The following ERBB4 variants were observed in gnomAD, a reference collection of about 807,000 sequenced individuals.
The protein encoded by ERBB4 is erb-b2 receptor tyrosine kinase 4.
ERBB4 carries 42 observed loss-of-function variants against 158.0 expected under a neutral mutation model. That is an observed-to-expected ratio of 0.27 (90% CI 0.21 to 0.34). ERBB4 has a LOEUF of 0.34. Ranked by LOEUF, ERBB4 falls within the 10% of genes least tolerant of loss-of-function variation. ERBB4 has a pLI of 1.00. For synonymous variants in ERBB4, 583 were observed against 558.7 expected (o/e 1.04, Z -0.61); for missense variants, 1,333 against 1,624.1 (o/e 0.82, Z 3.08).
rs2064682826 is a variant in ERBB4 at position 211,466,215 on chromosome 2, T to C, written c.2488-35115A>G. 3.9e-5 allele frequency among the ~76,000 whole-genome samples: 6 copies of C among 152,218 alleles called. No individual in the cohort carries two copies. The South Asian group carries it at 1.2e-3, about 32-fold the overall frequency. ...GTCTTTGTGTCCTCCAGGCCGGCAT[T>C]GTTGTTTAGCGTAATAGCCTTCACT... On this transcript the variant is annotated intron_variant, in intron 20 of 27. Coordinates refer to ENST00000342788, the MANE Select transcript of ERBB4 (RefSeq NM_005235.3).
At chr2:211,526,549 C>T (rs916171071) in intron 20 of ERBB4, among the ~76,000 whole-genome samples, 1 of 152,124 alleles carries the variant, frequency 6.6e-6, no homozygotes, top group South Asian at 2.1e-4. Context: ...AAAATCAATA[C>T]TTAACTCTTC....
At chr2:212,280,425 T>A (rs1048654491) in intron 1 of ERBB4, among the ~76,000 whole-genome samples, 1 of 151,686 alleles carries the variant, frequency 6.6e-6, no homozygotes, top group Admixed American at 6.6e-5. Flanking sequence ...TCTTTAACAC[T>A]TGCTGAAAGG....
At chr2:212,445,487 C>G (rs948817429) in intron 1 of ERBB4, among the ~76,000 whole-genome samples, 5 of 152,140 alleles carry the variant, frequency 3.3e-5, no homozygotes, top group Non-Finnish European at 7.4e-5. Flanking sequence ...GCCACCTAGA[C>G]ACTTTAGGAT....
At chr2:212,521,819 C>T (rs903770044) in intron 1 of ERBB4, among the ~76,000 whole-genome samples, 1 of 151,932 alleles carries the variant, frequency 6.6e-6, no homozygotes, top group African/African-American at 2.4e-5. Context: ...CTCTATTTTA[C>T]TCCTTGCAAA....
intron 2 of ERBB4, among the ~76,000 whole-genome samples, chr2:212,018,882 A>C (rs1209093358): frequency 6.6e-6 from 1 of 152,194 alleles, no homozygotes; most frequent in Non-Finnish European, 1.5e-5. Flanking sequence ...TTTATTTACA[A>C]AGGCATGCAC....
At chr2:211,820,584 A>T (rs2076972553) in intron 3 of ERBB4, among the ~76,000 whole-genome samples, 1 of 151,924 alleles carries the variant, frequency 6.6e-6, no homozygotes, top group Non-Finnish European at 1.5e-5. Flanking sequence ...TCATTTAACT[A>T]GGCCAGTATA....
intron 1 of ERBB4, among the ~76,000 whole-genome samples, chr2:212,192,819 T>C (rs1267201729): frequency 7.8e-6 from 1 of 128,210 alleles, no homozygotes; most frequent in Non-Finnish European, 1.7e-5. Context: ...TCTGAAAAGT[T>C]TGCCCAGTTA....
In ERBB4 at chr2:211,684,333, C is replaced by T. The variant is rs577399208; in HGVS notation, c.1490-5149G>A. Among the ~76,000 whole-genome samples the T allele has an allele frequency of 2.0e-5, 3 of 152,242 alleles. No homozygotes were observed. In the South Asian group the frequency reaches 6.2e-4, roughly 32 times the overall value. ...GGGCATGGTGTTGCATGCCTCTAATCCCAGTTACTCAGAAGGCTGAAGAGG... is the reference window on the plus strand; with the variant it reads ...GGGCATGGTGTTGCATGCCTCTAATTCCAGTTACTCAGAAGGCTGAAGAGG... On this transcript the variant is annotated intron_variant, in intron 12 of 27. Transcript: ENST00000342788.
intron 1 of ERBB4, among the ~76,000 whole-genome samples, chr2:212,416,803 A>G (rs1047028608): frequency 6.6e-6 from 1 of 152,026 alleles, no homozygotes; most frequent in African/African-American, 2.4e-5. Flanking sequence ...TCTTTCACTT[A>G]TTGGCAAGTT....
chr2:212,105,399 C>A (rs550848121), intron 2 of ERBB4, among the ~76,000 whole-genome samples: 2 of 152,256 alleles, frequency 1.3e-5, no homozygotes, highest in East Asian at 3.9e-4. Context: ...AAAGTCTCAG[C>A]TCTGTGTTTC....
chr2:211,529,640 T>C (rs926266529), intron 20 of ERBB4, among the ~76,000 whole-genome samples: 1 of 152,136 alleles, frequency 6.6e-6, no homozygotes, highest in African/African-American at 2.4e-5. Context: ...ATTGGAAAGA[T>C]AATTCATCAT....
chr2:211,732,266 GA>G (rs1219915674), intron 5 of ERBB4, among the ~76,000 whole-genome samples: 2 of 151,724 alleles, frequency 1.3e-5, no homozygotes, highest in East Asian at 3.9e-4. Flanking sequence ...ATTTTTACAG[GA>G]AAATAATTTT....
chr2:211,476,536 T>C (rs969553209), intron 20 of ERBB4, among the ~76,000 whole-genome samples: 1 of 150,486 alleles, frequency 6.6e-6, no homozygotes, highest in African/African-American at 2.5e-5. Flanking sequence ...GAATCTAAGT[T>C]TCTCTTTAAG....
chr2:211,802,298 A>G (rs992529099), intron 3 of ERBB4, among the ~76,000 whole-genome samples: 2 of 152,028 alleles, frequency 1.3e-5, no homozygotes, highest in Non-Finnish European at 2.9e-5. Context: ...AAATACAGGT[A>G]GTGGGAATGC....
At chr2:211,508,837 GGA>G (rs2065817364) in intron 20 of ERBB4, among the ~76,000 whole-genome samples, 1 of 152,152 alleles carries the variant, frequency 6.6e-6, no homozygotes, top group Non-Finnish European at 1.5e-5. Flanking sequence ...GGCTGAGGCA[GGA>G]GAATGGAGTG....
At chr2:211,961,742 A>G (rs1380390983) in intron 2 of ERBB4, among the ~76,000 whole-genome samples, 2 of 152,272 alleles carry the variant, frequency 1.3e-5, no homozygotes, top group African/African-American at 2.4e-5. Context: ...GGTGAATTTG[A>G]TCATGAATAT....
intron 19 of ERBB4, among the ~76,000 whole-genome samples, chr2:211,588,287 T>C (rs1394721915): frequency 2.0e-5 from 3 of 152,082 alleles, no homozygotes; most frequent in African/African-American, 7.2e-5. Context: ...GGTATGAAAA[T>C]TCATCATGTA....
At chr2:212,377,282 T>A (rs1012343146) in intron 1 of ERBB4, among the ~76,000 whole-genome samples, 1 of 149,532 alleles carries the variant, frequency 6.7e-6, no homozygotes, top group East Asian at 1.9e-4. Context: ...AATATACATA[T>A]GTATATACAC....
chr2:212,317,259 A>G (rs2087332089), intron 1 of ERBB4, among the ~76,000 whole-genome samples: 1 of 151,516 alleles, frequency 6.6e-6, no homozygotes, highest in African/African-American at 2.4e-5. Context: ...TCTTTTCAGA[A>G]TCTTCATTCA....
Sources: allele counts gnomAD v4.1 joint callset (sites outside exome capture counted in the v4.1 genomes callset), GRCh38; gene constraint gnomAD v4.1.1; transcripts MANE v1.5; gene names NCBI Gene and HGNC (gene_info 2026-07-23, HGNC 2026-07-21).